ZNF705A: variants seen among roughly 807,000 people sequenced by gnomAD.
The protein encoded by ZNF705A is zinc finger protein 705A.
Under a neutral mutation model 16.6 loss-of-function variants are expected in ZNF705A, and 8 were observed. The observed-to-expected ratio is 0.48, with a 90% CI of 0.28 to 0.87. ZNF705A has a LOEUF of 0.87. Ranked by LOEUF, ZNF705A falls within the 40% of genes least tolerant of loss-of-function variation. The probability of loss-of-function intolerance (pLI) is 0.10; values close to 1 mark genes in which losing one functional copy is unlikely to be tolerated. For synonymous variants in ZNF705A, 73 were observed against 117.3 expected, an observed-to-expected ratio of 0.62 and a Z score of 2.44; for missense variants, 233 against 359.9, an observed-to-expected ratio of 0.65 and a Z score of 2.85.
intron 4 of ZNF705A, among the ~76,000 whole-genome samples, chr12:8,176,523 T>A (rs893354789): frequency 2.2e-4 from 33 of 152,258 alleles, no homozygotes; most frequent in African/African-American, 7.7e-4. Context: ...TAAGATGACA[T>A]AAACAAATGA....
chr12:8,159,348 G>T (rs1231640139), intron 1 of ZNF705A, among the ~76,000 whole-genome samples: 1 of 152,106 alleles, frequency 6.6e-6, no homozygotes, highest in South Asian at 2.1e-4. Context: ...GAGATTGCTG[G>T]ATCAAATTAT....
exon 5 of ZNF705A, chr12:8,177,080 C>G (rs10743252): frequency 6.2e-7 from 1 of 1,610,092 alleles, no homozygotes; most frequent in Admixed American, 1.7e-5. Flanking sequence ...AATAACTCAG[C>G]GTTTGTTAAC....
chr12:8,178,368 CT>C (rs1273344479), exon 5 of ZNF705A: 1 of 153,090 alleles, frequency 6.5e-6, no homozygotes, highest in African/African-American at 2.4e-5. Flanking sequence ...TAGAGCAACA[CT>C]TGTGGCACAT....
At chr12:8,171,153 T>C (rs1362085017), upstream of ZNF705A, among the ~76,000 whole-genome samples, 3 of 152,336 alleles carry the variant, frequency 2.0e-5, no homozygotes, top group East Asian at 5.8e-4. Context: ...AATAAGGAAA[T>C]ATATGTACAT....
chr12:8,159,929 C>T (rs1948340037), intron 1 of ZNF705A, among the ~76,000 whole-genome samples: 1 of 152,022 alleles, frequency 6.6e-6, no homozygotes, highest in South Asian at 2.1e-4. Flanking sequence ...TTTTTCAATG[C>T]TATTTTCTAG....
chr12:8,175,760 A>C lies in ZNF705A; in HGVS notation c.236-100A>C, dbSNP rs957114301. ...TTCATTTGACACACTTGCCACATCT[A>C]AGTGTCAACTTTTGAAAAAAAGTAA... On this transcript the variant is annotated intron_variant, in intron 3 of 4. Transcript: ENST00000359286. The C allele has an allele frequency of 3.2e-6, 5 of 1,545,446 alleles. No homozygotes were observed. In the African/African-American group the frequency reaches 6.9e-5, roughly 21 times the overall value.
Position 8,175,856 on chromosome 12 carries a change from T to C in ZNF705A, c.236-4T>C. 6.2e-7 allele frequency: 1 copy of C among 1,611,452 alleles called. No homozygotes were observed. Among genetic ancestry groups the C allele is most frequent in the Non-Finnish European group, 8.5e-7 (1 of 1,179,450 alleles). On this transcript the variant is annotated splice_region_variant and splice_polypyrimidine_tract_variant and intron_variant, in intron 3 of 4. Coordinates refer to ENST00000359286, the Ensembl canonical transcript of ZNF705A. ...TGTAACAATTTATTTTTCAATTATT[T>C]CAGACAGGGAAAGTGCCCTTAAGAA...
chr12:8,166,331 C>T (rs1451341188), intron 1 of ZNF705A, among the ~76,000 whole-genome samples: 4 of 152,200 alleles, frequency 2.6e-5, no homozygotes, highest in Non-Finnish European at 5.9e-5. Flanking sequence ...TATGGTTCGG[C>T]TCTGTGTCCC....
At chr12:8,175,634 T>G (rs537921411) in intron 3 of ZNF705A, among the ~76,000 whole-genome samples, 1 of 152,208 alleles carries the variant, frequency 6.6e-6, no homozygotes, top group East Asian at 1.9e-4. Flanking sequence ...TTTACCTGCC[T>G]GATATCTCAT....
chr12:8,174,145 G>A lies in ZNF705A; in HGVS notation c.13-181G>A, dbSNP rs760007479. ...GTAAAGTTTAATGGATTCAGAGTGG[G>A]TATATCTCTGTGAGTGAATCTGAAA... On this transcript the variant is annotated intron_variant, in intron 1 of 4. Transcript: ENST00000359286. Among the ~76,000 whole-genome samples the A allele has an allele frequency of 3.3e-5, 5 of 152,292 alleles. No individual in the cohort carries two copies. The East Asian group carries it at 5.8e-4, about 18-fold the overall frequency.
At chr12:8,177,547 T>C (rs1185428395) in exon 5 of ZNF705A, 2 of 1,612,402 alleles carry the variant, frequency 1.2e-6, no homozygotes, top group Admixed American at 1.7e-5. Flanking sequence ...GTCTTCTATG[T>C]GGGAAGGCCT....
At chr12:8,174,248 CTA>C in intron 1 of ZNF705A, 76 bp from the exon 3 acceptor site, 1 of 1,596,064 alleles carries the variant, frequency 6.3e-7, no homozygotes, top group Non-Finnish European at 8.5e-7. Flanking sequence ...CAGCTCCTAG[CTA>C]TGTCATCTCA....
upstream of ZNF705A, among the ~76,000 whole-genome samples, chr12:8,170,460 C>T (rs2120717039): frequency 6.6e-6 from 1 of 152,226 alleles, no homozygotes; most frequent in South Asian, 2.1e-4. Context: ...ACACAAGAGT[C>T]CTTTATGAAA....
At chr12:8,164,192 A>T (rs1260898826) in intron 1 of ZNF705A, among the ~76,000 whole-genome samples, 1 of 152,164 alleles carries the variant, frequency 6.6e-6, no homozygotes, top group Admixed American at 6.5e-5. Flanking sequence ...TCCAGAACTT[A>T]CTTACGTGGT....
chr12:8,164,238 A>G (rs1026090936), intron 1 of ZNF705A, among the ~76,000 whole-genome samples: 1 of 151,926 alleles, frequency 6.6e-6, no homozygotes, highest in Non-Finnish European at 1.5e-5. Flanking sequence ...ACATCTACCC[A>G]TTTCCCCAGC....
upstream of ZNF705A, among the ~76,000 whole-genome samples, chr12:8,170,277 AGTT>A (rs1472575610): frequency 6.6e-6 from 1 of 151,522 alleles, no homozygotes; most frequent in Non-Finnish European, 1.5e-5. Flanking sequence ...CAAATACATA[AGTT>A]GTTATTCCTG....
At chr12:8,175,987 T>C (rs764778070) in intron 4 of ZNF705A, 45 bp downstream of exon 5, 4 of 1,608,520 alleles carry the variant, frequency 2.5e-6, no homozygotes, top group South Asian at 2.2e-5. Flanking sequence ...GTTAAAGACA[T>C]GGTAATGGGT....
chr12:8,166,676 G>A (rs1287281860), intron 1 of ZNF705A, among the ~76,000 whole-genome samples: 3 of 152,258 alleles, frequency 2.0e-5, no homozygotes, highest in Non-Finnish European at 4.4e-5. Flanking sequence ...TGCACCTGCA[G>A]GTTTAATACC....
At chr12:8,168,747 G>A (rs1177935404), upstream of ZNF705A, 1 of 152,196 alleles carries the variant, frequency 6.6e-6, no homozygotes, top group Admixed American at 6.5e-5. Context: ...AGAAAATCGT[G>A]TTGGGCATGT....
Sources: gnomAD v4.1 joint callset for allele counts (sites outside exome capture counted in the v4.1 genomes callset) on GRCh38, gnomAD v4.1.1 for gene constraint, MANE v1.5 for transcripts, NCBI Gene and HGNC (gene_info 2026-07-23, HGNC 2026-07-21) for gene names.